Variants in MACIR observed in about 807,000 individuals in gnomAD.
MACIR encodes macrophage immunometabolism regulator, also known as UNC119-binding protein C5orf30.
MACIR carries 4 observed loss-of-function variants against 14.3 expected under a neutral mutation model. The observed-to-expected ratio is 0.28, with a 90% CI of 0.14 to 0.64. MACIR has a LOEUF of 0.64. Ranked by LOEUF, MACIR falls within the 30% of genes least tolerant of loss-of-function variation. MACIR has a pLI of 0.83. For missense variants in MACIR, 228 were observed against 257.6 expected, an observed-to-expected ratio of 0.89 and a Z score of 0.79; for synonymous variants, 101 against 102.4, an observed-to-expected ratio of 0.99 and a Z score of 0.08.
intron 1 of MACIR, among the ~76,000 whole-genome samples, chr5:103,261,066 A>T (rs150374919): frequency 3.3e-5 from 5 of 152,364 alleles, no homozygotes; most frequent in African/African-American, 1.2e-4. Context: ...TGATAAGAAG[A>T]TATTAGTAAC....
chr5:103,272,236 T>TAGTC (rs1327694159), intron 2 of MACIR, among the ~76,000 whole-genome samples: 1 of 152,230 alleles, frequency 6.6e-6, no homozygotes, highest in African/African-American at 2.4e-5. Context: ...TCTCTAGTTA[T>TAGTC]AGTCACCATA....
At chr5:103,261,700 T>TCC (rs1804727127) in intron 1 of MACIR, among the ~76,000 whole-genome samples, 1 of 122,096 alleles carries the variant, frequency 8.2e-6, no homozygotes, top group African/African-American at 3.4e-5. Flanking sequence ...CTTTCTTTCT[T>TCC]TCTTCCTTTC....
chr5:103,271,882 A>C (rs1177586624), intron 2 of MACIR, among the ~76,000 whole-genome samples: 3 of 152,084 alleles, frequency 2.0e-5, no homozygotes, highest in Non-Finnish European at 4.4e-5. Flanking sequence ...TTTTTGCTTT[A>C]AATTATATAT....
chr5:103,270,837 G>A (rs1554237068), intron 2 of MACIR, among the ~76,000 whole-genome samples: 1 of 152,072 alleles, frequency 6.6e-6, no homozygotes, highest in East Asian at 1.9e-4. Context: ...GTATCTTGGT[G>A]TTAAGTCACA....
chr5:103,271,933 TG>T (rs1554237155), intron 2 of MACIR, among the ~76,000 whole-genome samples: 1 of 152,198 alleles, frequency 6.6e-6, no homozygotes, highest in African/African-American at 2.4e-5. Flanking sequence ...CTTTGATCTC[TG>T]GGTTTTAGTG....
At position 103,267,742 on chromosome 5, in the gene MACIR, A is replaced by G. The variant is rs1460442470; in HGVS notation, c.-24+1745A>G. Among the ~76,000 whole-genome samples, 4 of 152,206 alleles carry G rather than the reference A, an allele frequency of 2.6e-5. No homozygotes were observed. In the East Asian group the frequency reaches 7.7e-4, roughly 29 times the overall value. ...AATGTCAGGTTTATTATAACTTAGT[A>G]AAATCCGTCCTTTTAAAGTGTACGG... On this transcript the variant is annotated intron_variant, in intron 2 of 2. Transcript: ENST00000319933.
At chr5:103,263,448 A>G (rs1009988028) in intron 1 of MACIR, among the ~76,000 whole-genome samples, 6 of 152,186 alleles carry the variant, frequency 3.9e-5, no homozygotes, top group East Asian at 1.9e-4. Flanking sequence ...ATCATTTCCT[A>G]GATTTACACA....
chr5:103,274,774 T>G (rs1276599665), intron 2 of MACIR, among the ~76,000 whole-genome samples: 1 of 152,184 alleles, frequency 6.6e-6, no homozygotes, highest in Non-Finnish European at 1.5e-5. Flanking sequence ...GTTATTTAAT[T>G]TTTAAGTAAA....
chr5:103,266,529 G>A (rs551294593), intron 2 of MACIR, among the ~76,000 whole-genome samples: 2 of 152,158 alleles, frequency 1.3e-5, no homozygotes, highest in African/African-American at 4.8e-5. Context: ...ATGCAATGCT[G>A]TTTTCTTCCT....
chr5:103,270,261 C>T (rs1196036243), intron 2 of MACIR, among the ~76,000 whole-genome samples: 1 of 152,100 alleles, frequency 6.6e-6, no homozygotes, highest in African/African-American at 2.4e-5. Flanking sequence ...CTATAAAAAT[C>T]TAAAAAGTAC....
At chr5:103,261,690 C>CTTTTCTTTCT (rs782108782) in intron 1 of MACIR, among the ~76,000 whole-genome samples, 1 of 120,144 alleles carries the variant, frequency 8.3e-6, no homozygotes, top group Non-Finnish European at 1.7e-5. Context: ...TTCTTTCTTT[C>CTTTTCTTTCT]TTTCTTTCTT....
intron 1 of MACIR, among the ~76,000 whole-genome samples, chr5:103,265,478 G>A (rs782177091): frequency 2.0e-5 from 3 of 152,150 alleles, no homozygotes; most frequent in African/African-American, 4.8e-5. Flanking sequence ...AGGGTCAAGA[G>A]GCAGAGTTCT....
chr5:103,264,656 T>C (rs1804857269), intron 1 of MACIR, among the ~76,000 whole-genome samples: 1 of 152,132 alleles, frequency 6.6e-6, no homozygotes, highest in Non-Finnish European at 1.5e-5. Flanking sequence ...AAAGGGAGTG[T>C]TTCTGTTATC....
At chr5:103,270,176 C>T (rs782577332) in intron 2 of MACIR, among the ~76,000 whole-genome samples, 2 of 152,050 alleles carry the variant, frequency 1.3e-5, no homozygotes, top group Non-Finnish European at 2.9e-5. Context: ...AAAGTGTTTA[C>T]ATTAATTTTT....
Position 103,276,075 on chromosome 5 carries a change from G to A in MACIR, c.156G>A (p.Gln52=), listed in dbSNP as rs115795390. 439 of 1,614,046 alleles carry A rather than the reference G, an allele frequency of 2.7e-4. 1 individual carries two copies. The African/African-American group carries it at 5.3e-3, about 19-fold the overall frequency. ...SPMRRTVSGY[Q]ILHMDSNYLV... ...TGCGGAGGACCGTGTCAGGCTACCA[G>A]ATCCTACACATGGACTCTAACTATT... Residue 52 remains glutamine, a synonymous_variant, in exon 3 of 3, where the codon CAG becomes CAA. Transcript: ENST00000319933.
At chr5:103,266,300 T>C (rs1804921188) in intron 2 of MACIR, among the ~76,000 whole-genome samples, 1 of 152,160 alleles carries the variant, frequency 6.6e-6, no homozygotes, top group South Asian at 2.1e-4. Flanking sequence ...AGTATAGTAG[T>C]TAGAGGTAAC....
Position 103,277,118 on chromosome 5 carries a change from A to G in MACIR, c.*578A>G, listed in dbSNP as rs1805366584. 1.2e-5 allele frequency: 2 copies of G among 167,228 alleles called. No individual in the cohort carries two copies. Among genetic ancestry groups the G allele is most frequent in the Non-Finnish European group, 1.5e-5 (1 of 68,118 alleles). The allele number at this position is 167,228 out of a possible 1,614,324, so 10.4% of individuals were successfully genotyped here. ...GAGTAATCTTTCTTCACTTGCCTCA[A>G]TAATGTTATTGAGCAATGAATTTTT... On this transcript the variant is annotated 3_prime_UTR_variant, in exon 3 of 3. Transcript: ENST00000319933.
rs1805338603 is a variant in MACIR at position 103,276,456 on chromosome 5, G to A, written c.537G>A (p.Glu179=). 1.2e-6 allele frequency: 2 copies of A among 1,613,952 alleles called. No homozygotes were observed. Among genetic ancestry groups the A allele is most frequent in the South Asian group, 1.1e-5 (1 of 91,074 alleles). ...DYLNLDKMIK[E]PADTEVLQYQ... is the part of the protein sequence containing the mutation. ...TCAATCTAGATAAAATGATCAAGGA[G>A]CCAGCTGATACAGAAGTGCTACAGT... is the stretch of plus-strand genomic sequence containing the variant. The change falls in exon 3 of 3, where the codon GAG becomes GAA. Residue 179 remains glutamate, a synonymous_variant. Transcript: ENST00000319933.
Position 103,261,678 on chromosome 5 carries a change from C to CT in MACIR, c.-114+2785dup, listed in dbSNP as rs781839252. Among the ~76,000 whole-genome samples the CT allele has an allele frequency of 7.3e-4, 91 of 125,272 alleles. 2 individuals are homozygous for CT. The highest frequency in any genetic ancestry group is 9.3e-4 in the Non-Finnish European group (55 of 58,994). The allele number at this position is 125,272 out of a possible 152,430, so 82.2% of individuals were successfully genotyped here. The stretch of plus-strand genomic sequence containing the variant: ...TCTTTCTTTCTTTCTTTCTTTCTTT[C>CT]TTTCTTTCTTTCTTTCTTTCTTTCT... On this transcript the variant is annotated intron_variant, in intron 1 of 2. Coordinates refer to ENST00000319933, the MANE Select transcript of MACIR (RefSeq NM_033211.4).
Sources: allele counts gnomAD v4.1 joint callset (sites outside exome capture counted in the v4.1 genomes callset), GRCh38; gene constraint gnomAD v4.1.1; transcripts MANE v1.5; gene names NCBI Gene and HGNC (gene_info 2026-07-23, HGNC 2026-07-21).